The following NR4A1 variants were observed in gnomAD, a reference collection of about 807,000 sequenced individuals.
NR4A1 encodes the protein nuclear receptor subfamily 4immunitygroup A member 1.
Under a neutral mutation model 47.5 loss-of-function variants are expected in NR4A1, and 24 were observed. The ratio of observed to expected loss-of-function variants is 0.50; its 90% CI spans 0.37 to 0.71. NR4A1 has a LOEUF of 0.71. Ranked by LOEUF, NR4A1 falls within the 30% of genes least tolerant of loss-of-function variation. The pLI is 0.00. For missense variants in NR4A1, 669 were observed against 788.6 expected, an observed-to-expected ratio of 0.85 and a Z score of 1.82; for synonymous variants, 353 against 345.7, an observed-to-expected ratio of 1.02 and a Z score of -0.24.
At chr12:52,040,897 G>A (rs576844484) in intron 1 of NR4A1, among the ~76,000 whole-genome samples, 3 of 152,264 alleles carry the variant, frequency 2.0e-5, no homozygotes, top group South Asian at 2.1e-4. Context: ...ACTCTGGTGC[G>A]TAGTCGAGAG....
At chr12:52,026,541 T>C (rs1346586026) in intron 1 of NR4A1, among the ~76,000 whole-genome samples, 1 of 152,052 alleles carries the variant, frequency 6.6e-6, no homozygotes, top group East Asian at 1.9e-4. Flanking sequence ...AGGTAGGTCA[T>C]ATCGCTGTCC....
At chr12:52,057,739 GC>G (rs1939352122) in intron 6 of NR4A1, among the ~76,000 whole-genome samples, 2 of 152,244 alleles carry the variant, frequency 1.3e-5, no homozygotes, top group South Asian at 2.1e-4. Context: ...GCGCAAGACA[GC>G]CTTTGGTCCC....
upstream of NR4A1, chr12:52,051,382 G>T (rs1938928694): frequency 1.0e-6 from 1 of 985,338 alleles, no homozygotes; most frequent in Non-Finnish European, 1.2e-6. Context: ...CGTCAGTGGC[G>T]CCCCCGCCCC....
At chr12:52,032,524 G>A (rs1306947202) in intron 1 of NR4A1, among the ~76,000 whole-genome samples, 1 of 152,126 alleles carries the variant, frequency 6.6e-6, no homozygotes, top group African/African-American at 2.4e-5. Flanking sequence ...GAGAACGCTG[G>A]CTAACACCAT....
At chr12:52,055,410 C>T (rs948897590) in intron 2 of NR4A1, 5 of 652,640 alleles carry the variant, frequency 7.7e-6, no homozygotes, top group African/African-American at 7.3e-5. Context: ...CACTCGGGCC[C>T]ATGGGATTGC....
rs1939278238 is a variant in NR4A1, at chr12:52,056,476, C to T, written c.1007-18C>T. On this transcript the variant is annotated intron_variant, in intron 3 of 6. Transcript: ENST00000394825. ...CCTCAGATCCCTTCCTTCCTCACCCCTACCCATTCCTTTGCAGTTGTCCGA... is the reference window on the plus strand; with the variant it reads ...CCTCAGATCCCTTCCTTCCTCACCCTTACCCATTCCTTTGCAGTTGTCCGA... 6.2e-7 allele frequency: 1 copy of T among 1,611,600 alleles called. No homozygotes were observed. The highest frequency in any genetic ancestry group is 8.5e-7 in the Non-Finnish European group (1 of 1,179,304).
At position 52,059,145 on chromosome 12, in the gene NR4A1, T is replaced by C; in HGVS notation, c.*201T>C. ...TTCATGGGGGTGACCCCACGATTTG[T>C]CTTATCCCCCCCAGCCTGGCCCCGG... On this transcript the variant is annotated 3_prime_UTR_variant, in exon 7 of 7. Coordinates refer to ENST00000394825, the MANE Select transcript of NR4A1 (RefSeq NM_173157.3). 1.5e-6 allele frequency: 1 copy of C among 654,948 alleles called. No individual in the cohort carries two copies. The highest frequency in any genetic ancestry group is 3.2e-5 in the Admixed American group (1 of 31,040). 40.6% of individuals were successfully genotyped at this position (654,948 alleles called of 1,614,324 possible).
intron 1 of NR4A1, among the ~76,000 whole-genome samples, chr12:52,031,692 T>C (rs1041729061): frequency 1.3e-5 from 2 of 151,990 alleles, no homozygotes; most frequent in Non-Finnish European, 2.9e-5. Context: ...CTTTCTCTTA[T>C]CCATCCCTTG....
At chr12:52,051,749 G>A (rs1272928557) in intron 1 of NR4A1, among the ~76,000 whole-genome samples, 181 bp downstream of exon 1, 1 of 152,186 alleles carries the variant, frequency 6.6e-6, no homozygotes, top group Admixed American at 6.5e-5. Context: ...TGCGGGGTAG[G>A]AGGTAGGGGA....
upstream of NR4A1, among the ~76,000 whole-genome samples, chr12:52,050,778 G>C (rs1207874199): frequency 3.3e-5 from 5 of 152,184 alleles, no homozygotes; most frequent in South Asian, 6.2e-4. Flanking sequence ...GCCGCGTCCT[G>C]TGCACTAGCT....
intron 6 of NR4A1, chr12:52,058,387 T>A: frequency 7.3e-6 from 3 of 413,304 alleles, no homozygotes; most frequent in South Asian, 4.2e-5. Context: ...GTCTAGATTT[T>A]AAAAACCCAA....
Position 52,059,013 on chromosome 12 carries a change from A to T in NR4A1, c.*69A>T. ...CACCCCATGTGCCTTTAGTCCACGG[A>T]CCCCCAGAGCACCCCCAAGCCTGGG... On this transcript the variant is annotated 3_prime_UTR_variant, in exon 7 of 7. Transcript: ENST00000394825. 1 of 1,528,582 alleles carries T rather than the reference A, an allele frequency of 6.5e-7. No homozygotes were observed. The highest frequency in any genetic ancestry group is 2.3e-5 in the East Asian group (1 of 43,238). The allele number at this position is 1,528,582 out of a possible 1,614,324, so 94.7% of individuals were successfully genotyped here. A position where few individuals can be genotyped will look rare whatever the true frequency, so the allele number is the denominator to read the frequency against.
intron 2 of NR4A1, among the ~76,000 whole-genome samples, chr12:52,044,557 A>C (rs144021529): frequency 6.6e-6 from 1 of 152,334 alleles, no homozygotes; most frequent in African/African-American, 2.4e-5. Context: ...CTCAAAAAAA[A>C]ATTTTCCCCT....
chr12:52,051,338 G>A (rs1308926395), upstream of NR4A1: 1 of 952,148 alleles, frequency 1.1e-6, no homozygotes, highest in East Asian at 1.2e-4. Context: ...CGCCCCCCGC[G>A]CCCTTGTATG....
chr12:52,052,323 G>GAA lies in NR4A1; in HGVS notation c.-3+756_-3+757insAA, dbSNP rs1555168723. ...TGTGTGTGAGAGAGAGAGAGAGAGA[G>GAA]AGAGAAAGAGAGACAGAGGTGGAAA... On this transcript the variant is annotated intron_variant, in intron 1 of 6. Transcript: ENST00000394825. Among the ~76,000 whole-genome samples the GAA allele has an allele frequency of 9.9e-3, 1,445 of 146,682 alleles. 33 individuals are homozygous for GAA. Among genetic ancestry groups the GAA allele is most frequent in the African/African-American group, 0.036 (1,375 of 38,364 alleles).
At position 52,051,471 on chromosome 12, in the gene NR4A1, GGGGAGTGCACAGAAGAACTTC is replaced by G; in HGVS notation, c.-94_-74del. 1 of 985,584 alleles carries G rather than the reference GGGGAGTGCACAGAAGAACTTC, an allele frequency of 1.0e-6. No individual in the cohort carries two copies. Among genetic ancestry groups the G allele is most frequent in the Non-Finnish European group, 1.2e-6 (1 of 830,048 alleles). The allele number at this position is 985,584 out of a possible 1,614,324, so 61.1% of individuals were successfully genotyped here. A position where few individuals can be genotyped will look rare whatever the true frequency, so the allele number is the denominator to read the frequency against. On this transcript the variant is annotated 5_prime_UTR_variant, in exon 1 of 7. Transcript: ENST00000394825. ...CCAGTGGCGGAGGCTACGAAACTTG[GGGGAGTGCACAGAAGAACTTC>G]GGGAGCGCACGCGGGACCAGGGACC... is the stretch of plus-strand genomic sequence containing the variant.
At chr12:52,032,677 T>A (rs948371229) in intron 1 of NR4A1, among the ~76,000 whole-genome samples, 2 of 152,234 alleles carry the variant, frequency 1.3e-5, no homozygotes, top group African/African-American at 4.8e-5. Flanking sequence ...TTCTCCGAAG[T>A]ATGTTCCAGC....
intron 1 of NR4A1, among the ~76,000 whole-genome samples, chr12:52,036,901 C>A (rs1190051692): frequency 6.6e-6 from 1 of 152,250 alleles, no homozygotes; most frequent in African/African-American, 2.4e-5. Flanking sequence ...CCCAGGTGCC[C>A]AGCCTCGGAA....
At chr12:52,050,296 G>T (rs1268835549), upstream of NR4A1, among the ~76,000 whole-genome samples, 3 of 152,158 alleles carry the variant, frequency 2.0e-5, no homozygotes, top group Non-Finnish European at 2.9e-5. Flanking sequence ...CCCCACAGGT[G>T]CTGGAGGTAG....
Sources: gnomAD v4.1 joint callset for allele counts (sites outside exome capture counted in the v4.1 genomes callset) on GRCh38, gnomAD v4.1.1 for gene constraint, MANE v1.5 for transcripts, NCBI Gene and HGNC (gene_info 2026-07-23, HGNC 2026-07-21) for gene names.